Variants in DPYD observed in about 807,000 individuals in gnomAD.
The protein encoded by DPYD is dihydropyrimidine dehydrogenase.
In DPYD, 109 loss-of-function variants were observed where a neutral mutation model predicts 116.2. The observed-to-expected ratio is 0.94, with a 90% CI of 0.80 to 1.10. DPYD has a LOEUF of 1.10. Ranked by LOEUF, DPYD falls within the 50% of genes least tolerant of loss-of-function variation. The pLI, the probability that DPYD is intolerant of heterozygous loss-of-function variation, is 0.00. For missense variants in DPYD, 1,302 were observed against 1,254.5 expected (o/e 1.04, Z -0.57); for synonymous variants, 440 against 432.0 (o/e 1.02, Z -0.23).
At chr1:97,720,826 T>C in intron 5 of DPYD, 2 of 1,592,386 alleles carry the variant, frequency 1.3e-6, no homozygotes, top group Non-Finnish European at 1.7e-6. Context: ...GGAATTAACC[T>C]GCTTGTTGAC....
At chr1:97,806,088 A>G (rs1228372189) in intron 3 of DPYD, among the ~76,000 whole-genome samples, 3 of 151,936 alleles carry the variant, frequency 2.0e-5, no homozygotes, top group Non-Finnish European at 4.4e-5. Context: ...TATTGCCTCA[A>G]TCTAACTGAT....
chr1:97,298,746 T>A (rs78142314), intron 18 of DPYD, among the ~76,000 whole-genome samples: 1 of 152,156 alleles, frequency 6.6e-6, no homozygotes, highest in African/African-American at 2.4e-5. Flanking sequence ...AGGAATCTCA[T>A]TCCAGTCATG....
At chr1:97,462,428 T>C (rs1677079644) in intron 13 of DPYD, among the ~76,000 whole-genome samples, 2 of 152,172 alleles carry the variant, frequency 1.3e-5, no homozygotes, top group Admixed American at 1.3e-4. Flanking sequence ...AATAAAATTC[T>C]AAGCCCCCCA....
At chr1:97,756,654 C>T (rs1272772593) in intron 3 of DPYD, among the ~76,000 whole-genome samples, 2 of 152,014 alleles carry the variant, frequency 1.3e-5, no homozygotes, top group South Asian at 2.1e-4. Context: ...AACAACCCCA[C>T]AGAGAGGAAA....
chr1:97,614,756 G>T (rs1656162627), intron 8 of DPYD, among the ~76,000 whole-genome samples: 2 of 152,074 alleles, frequency 1.3e-5, no homozygotes, highest in South Asian at 4.1e-4. Context: ...GTTACAGGTT[G>T]AAGAGACATT....
intron 3 of DPYD, among the ~76,000 whole-genome samples, chr1:97,789,301 C>G (rs1375667804): frequency 6.6e-6 from 1 of 152,144 alleles, no homozygotes; most frequent in Non-Finnish European, 1.5e-5. Context: ...ATTTCAGAAG[C>G]AAATATAACT....
chr1:97,713,575 T>C (rs1474241290), intron 5 of DPYD, among the ~76,000 whole-genome samples: 1 of 152,158 alleles, frequency 6.6e-6, no homozygotes, highest in Non-Finnish European at 1.5e-5. Flanking sequence ...GTCAGATATT[T>C]AGTGAATTCT....
intron 6 of DPYD, among the ~76,000 whole-genome samples, chr1:97,695,444 T>G (rs1300478790): frequency 1.3e-5 from 2 of 150,272 alleles, no homozygotes; most frequent in East Asian, 2.0e-4. Flanking sequence ...TTATCCTCAC[T>G]TAACATATTC....
chr1:97,093,880 A>G (rs1273812538), intron 21 of DPYD, among the ~76,000 whole-genome samples: 2 of 151,962 alleles, frequency 1.3e-5, no homozygotes, highest in Non-Finnish European at 2.9e-5. Context: ...ATATCTTAAT[A>G]TATTGTTTAG....
chr1:97,384,988 C>T (rs1015966295), intron 14 of DPYD, among the ~76,000 whole-genome samples: 1 of 151,972 alleles, frequency 6.6e-6, no homozygotes, highest in East Asian at 1.9e-4. Flanking sequence ...AGTGAAACTA[C>T]AGCTTTTCAG....
chr1:97,646,283 C>T (rs141762495), intron 8 of DPYD, among the ~76,000 whole-genome samples: 1 of 151,858 alleles, frequency 6.6e-6, no homozygotes, highest in East Asian at 1.9e-4. Context: ...ATTATTTTCT[C>T]TCCCTATTCT....
At chr1:97,678,946 A>T in intron 8 of DPYD, 149 bp downstream of exon 8, 1 of 395,302 alleles carries the variant, frequency 2.5e-6, no homozygotes, top group Non-Finnish European at 4.5e-6. Context: ...ATAGAAATTT[A>T]GTTACTTGGC....
intron 19 of DPYD, among the ~76,000 whole-genome samples, chr1:97,200,678 T>C (rs1052088718): frequency 6.6e-6 from 1 of 152,198 alleles, no homozygotes; most frequent in African/African-American, 2.4e-5. Context: ...AAAAGAAATA[T>C]CTATACAATG....
chr1:97,751,967 C>T (rs1279162905), intron 3 of DPYD, among the ~76,000 whole-genome samples: 1 of 151,888 alleles, frequency 6.6e-6, no homozygotes, highest in Non-Finnish European at 1.5e-5. Flanking sequence ...CCACGTTGGC[C>T]GGGCTGGTGT....
At chr1:97,277,502 T>C (rs1171263397) in intron 18 of DPYD, among the ~76,000 whole-genome samples, 3 of 152,130 alleles carry the variant, frequency 2.0e-5, no homozygotes, top group Non-Finnish European at 4.4e-5. Flanking sequence ...TTCTCCAGAG[T>C]TTACTTAAAA....
intron 8 of DPYD, among the ~76,000 whole-genome samples, chr1:97,626,899 A>G (rs1656963741): frequency 1.3e-5 from 2 of 152,034 alleles, no homozygotes; most frequent in African/African-American, 4.8e-5. Flanking sequence ...ATAGACTGAA[A>G]TACCTTTCCA....
intron 8 of DPYD, among the ~76,000 whole-genome samples, chr1:97,677,265 C>T (rs1660195247): frequency 6.6e-6 from 1 of 152,036 alleles, no homozygotes; most frequent in Non-Finnish European, 1.5e-5. Flanking sequence ...TACAAAGATT[C>T]TTTGTAGATG....
intron 15 of DPYD, among the ~76,000 whole-genome samples, chr1:97,376,985 C>A (rs1438690230): frequency 2.7e-5 from 4 of 149,666 alleles, no homozygotes; most frequent in Admixed American, 2.0e-4. Context: ...CACTCTTTCA[C>A]TACTTTTGGC....
intron 3 of DPYD, among the ~76,000 whole-genome samples, chr1:97,750,098 C>T (rs1664789144): frequency 6.6e-6 from 1 of 151,922 alleles, no homozygotes; most frequent in Non-Finnish European, 1.5e-5. Flanking sequence ...CTTTAGAAAA[C>T]TTTAAAAAAC....
Sources: allele counts gnomAD v4.1 joint callset (sites outside exome capture counted in the v4.1 genomes callset), GRCh38; gene constraint gnomAD v4.1.1; transcripts MANE v1.5; gene names NCBI Gene and HGNC (gene_info 2026-07-23, HGNC 2026-07-21).